The following SBF2 variants were observed in gnomAD, a reference collection of about 807,000 sequenced individuals.
SBF2 encodes myotubularin-related protein 13.
A neutral mutation model predicts 225.2 loss-of-function variants in SBF2; 112 were observed. The observed-to-expected ratio is 0.50, with a 90% CI of 0.43 to 0.58. The LOEUF is 0.58. Among genes scored for constraint, SBF2 ranks in the 20% least tolerant of loss-of-function variants. SBF2 has a pLI of 0.00. For synonymous variants in SBF2, 763 were observed against 773.3 expected (o/e 0.99, Z 0.22); for missense variants, 1,996 against 2,206.2 (o/e 0.90, Z 1.91).
chr11:9,805,698 A>G (rs150211398), intron 32 of SBF2, among the ~76,000 whole-genome samples: 1 of 152,064 alleles, frequency 6.6e-6, no homozygotes, highest in South Asian at 2.1e-4. Flanking sequence ...TCTCAGCTCA[A>G]TGCAACCTCC....
intron 2 of SBF2, among the ~76,000 whole-genome samples, chr11:10,067,462 A>G (rs1352462621): frequency 1.3e-5 from 2 of 152,230 alleles, no homozygotes; most frequent in Admixed American, 1.3e-4. Context: ...TAGAATGCCA[A>G]AACAACTCTG....
rs1187124326 is a variant in SBF2, at chr11:10,150,814, C to T, written c.141+43088G>A. Among the ~76,000 whole-genome samples, 9 of 150,958 alleles carry T rather than the reference C, an allele frequency of 6.0e-5. No homozygotes were observed. The South Asian group carries it at 1.9e-3, about 32-fold the overall frequency. ...TGGAGGCATTTAGTTATTTTTTTTT[C>T]CCTCAAGTCTATATAAAAAGGTCAA... On this transcript the variant is annotated intron_variant, in intron 2 of 39. Coordinates refer to ENST00000256190, the MANE Select transcript of SBF2 (RefSeq NM_030962.4).
At chr11:9,830,789 CA>C (rs1014452794) in intron 27 of SBF2, among the ~76,000 whole-genome samples, 3 of 140,936 alleles carry the variant, frequency 2.1e-5, no homozygotes, top group Non-Finnish European at 4.7e-5. Flanking sequence ...AAACAAAAAA[CA>C]AAAAAACCCT....
intron 6 of SBF2, among the ~76,000 whole-genome samples, chr11:10,015,038 G>A (rs1162838228): frequency 6.6e-6 from 1 of 152,168 alleles, no homozygotes; most frequent in Admixed American, 6.5e-5. Flanking sequence ...GGACGCTGAC[G>A]TAGGAGGACT....
At chr11:10,261,191 TTC>T (rs1961395785) in intron 1 of SBF2, among the ~76,000 whole-genome samples, 1 of 152,064 alleles carries the variant, frequency 6.6e-6, no homozygotes, top group South Asian at 2.1e-4. Flanking sequence ...GTAACTGAAA[TTC>T]TCTTTTTGTT....
intron 30 of SBF2, among the ~76,000 whole-genome samples, chr11:9,812,148 G>T (rs556426712): frequency 1.3e-5 from 2 of 152,142 alleles, no homozygotes; most frequent in African/African-American, 4.8e-5. Flanking sequence ...TGAAAGGTGA[G>T]AGCTCTTGGG....
intron 2 of SBF2, among the ~76,000 whole-genome samples, chr11:10,190,249 G>A (rs1194124283): frequency 2.0e-5 from 3 of 151,600 alleles, no homozygotes; most frequent in African/African-American, 7.3e-5. Flanking sequence ...TAAAAATATT[G>A]TTCATATAAT....
intron 2 of SBF2, among the ~76,000 whole-genome samples, chr11:10,063,366 A>ATT (rs60997102): frequency 6.9e-6 from 1 of 145,494 alleles, no homozygotes; most frequent in Non-Finnish European, 1.5e-5. Flanking sequence ...TTTTTATTTT[A>ATT]TTTTTTTTTG....
chr11:10,012,456 T>C (rs1370203244), intron 6 of SBF2, among the ~76,000 whole-genome samples: 2 of 152,248 alleles, frequency 1.3e-5, no homozygotes, highest in African/African-American at 2.4e-5. Flanking sequence ...TCAGTTATCA[T>C]ACTGTTCAAT....
intron 2 of SBF2, among the ~76,000 whole-genome samples, chr11:10,048,185 GA>G (rs1342906679): frequency 2.0e-5 from 3 of 152,114 alleles, no homozygotes; most frequent in African/African-American, 7.2e-5. Context: ...CTGCAGATAT[GA>G]AAAACTGGCC....
At chr11:10,246,659 T>C (rs936291732) in intron 1 of SBF2, among the ~76,000 whole-genome samples, 10 of 152,196 alleles carry the variant, frequency 6.6e-5, no homozygotes, top group African/African-American at 2.2e-4. Context: ...CATATGTCAA[T>C]AAAGAAATTA....
chr11:10,301,024 A>G (rs59168644), intron 1 of SBF2, among the ~76,000 whole-genome samples: 3,186 of 152,230 alleles, frequency 0.021, 113 homozygotes, highest in African/African-American at 0.073. Context: ...TGGCTTTACC[A>G]TGTACAAGAA....
chr11:10,002,605 C>G lies in SBF2; in HGVS notation c.704G>C (p.Ser235Thr), dbSNP rs920661821. The G allele has an allele frequency of 6.2e-7, 1 of 1,612,862 alleles. No individual in the cohort carries two copies. The highest frequency in any genetic ancestry group is 8.5e-7 in the Non-Finnish European group (1 of 1,179,034). ...AGATTCCAGGGCTCTACAAGCATCA[C>G]TAAGTCTCTGGAAACTTGCAGAATG... ...LFHSASFQRL[S>T]DACRALESLM... is the part of the protein sequence containing the mutation. The change falls in exon 7 of 40, where the codon AGT (serine) becomes ACT (threonine). Residue 235 changes from serine to threonine, a missense_variant. Coordinates refer to ENST00000256190, the MANE Select transcript of SBF2 (RefSeq NM_030962.4).
intron 4 of SBF2, among the ~76,000 whole-genome samples, chr11:10,030,281 G>A (rs1949206726): frequency 6.6e-6 from 1 of 152,134 alleles, no homozygotes; most frequent in Non-Finnish European, 1.5e-5. Flanking sequence ...AATTTAACAT[G>A]TGAATTGTAA....
At chr11:10,041,975 T>A (rs1395914222) in intron 3 of SBF2, among the ~76,000 whole-genome samples, 1 of 117,954 alleles carries the variant, frequency 8.5e-6, no homozygotes, top group Non-Finnish European at 1.9e-5. Context: ...GGGCTCTGTA[T>A]ACAATCTTAA....
intron 32 of SBF2, among the ~76,000 whole-genome samples, chr11:9,803,542 G>C (rs1041099331): frequency 2.6e-5 from 4 of 152,080 alleles, no homozygotes; most frequent in African/African-American, 9.7e-5. Flanking sequence ...GTACTTGGGA[G>C]ACAATGATGT....
At chr11:10,295,469 T>C (rs1964474443), upstream of SBF2, among the ~76,000 whole-genome samples, 1 of 152,084 alleles carries the variant, frequency 6.6e-6, no homozygotes, top group African/African-American at 2.4e-5. Context: ...GCACTAGAAC[T>C]GAAACTGAAG....
intron 14 of SBF2, among the ~76,000 whole-genome samples, chr11:9,966,097 T>C (rs1866892077): frequency 6.6e-6 from 1 of 152,170 alleles, no homozygotes; most frequent in Non-Finnish European, 1.5e-5. Flanking sequence ...TTTTCTTTTT[T>C]TTTTGTGAGA....
At chr11:9,914,592 G>C (rs114679581) in intron 16 of SBF2, among the ~76,000 whole-genome samples, 1 of 152,088 alleles carries the variant, frequency 6.6e-6, no homozygotes, top group South Asian at 2.1e-4. Flanking sequence ...CTCCTAGAAG[G>C]TTACACAGGG....
Sources: allele counts gnomAD v4.1 joint callset (sites outside exome capture counted in the v4.1 genomes callset), GRCh38; gene constraint gnomAD v4.1.1; transcripts MANE v1.5; gene names NCBI Gene and HGNC (gene_info 2026-07-23, HGNC 2026-07-21).